Variants in FHIT observed in about 807,000 individuals in gnomAD.
FHIT encodes fragile histidine triad diadenosine triphosphatase.
FHIT carries 19 observed loss-of-function variants against 17.9 expected under a neutral mutation model. The observed-to-expected ratio is 1.06, with a 90% CI of 0.74 to 1.56. The LOEUF is 1.56. Among genes scored for constraint, FHIT ranks in the 40% most tolerant of loss-of-function variants. The pLI is 0.00. For synonymous variants in FHIT, 81 were observed against 69.7 expected, an observed-to-expected ratio of 1.16 and a Z score of -0.81; for missense variants, 248 against 189.2, an observed-to-expected ratio of 1.31 and a Z score of -1.82.
intron 7 of FHIT, among the ~76,000 whole-genome samples, chr3:59,941,971 T>A (rs913400726): frequency 3.9e-5 from 6 of 152,292 alleles, no homozygotes; most frequent in Non-Finnish European, 7.4e-5. Context: ...TGAACTAGAC[T>A]TTTCCCTCAA....
chr3:61,042,645 C>T (rs2033575111), intron 2 of FHIT, among the ~76,000 whole-genome samples: 2 of 151,996 alleles, frequency 1.3e-5, no homozygotes, highest in Non-Finnish European at 1.5e-5. Flanking sequence ...TCGAGACCAG[C>T]CTGGCCAACA....
chr3:61,163,583 A>G (rs753258595), intron 2 of FHIT, among the ~76,000 whole-genome samples: 4 of 152,202 alleles, frequency 2.6e-5, no homozygotes, highest in Non-Finnish European at 5.9e-5. Flanking sequence ...CTTCCTCTAA[A>G]GTGGGTCATA....
At chr3:60,716,025 C>T (rs918350709) in intron 4 of FHIT, among the ~76,000 whole-genome samples, 3 of 151,844 alleles carry the variant, frequency 2.0e-5, no homozygotes, top group East Asian at 1.9e-4. Flanking sequence ...CCAAGGCAGG[C>T]GGATCACCTG....
intron 3 of FHIT, among the ~76,000 whole-genome samples, chr3:60,842,361 TCA>T (rs1702749961): frequency 1.3e-5 from 2 of 151,426 alleles, no homozygotes; most frequent in African/African-American, 4.9e-5. Flanking sequence ...AAAAAAGAAC[TCA>T]GAGTGTGACT....
intron 4 of FHIT, among the ~76,000 whole-genome samples, chr3:60,770,887 C>T (rs1553722896): frequency 6.6e-6 from 1 of 152,210 alleles, no homozygotes; most frequent in African/African-American, 2.4e-5. Context: ...AATTAGAGCC[C>T]ATTCTATTGT....
intron 3 of FHIT, among the ~76,000 whole-genome samples, chr3:60,839,037 G>T (rs1553744379): frequency 6.6e-6 from 1 of 152,062 alleles, no homozygotes; most frequent in Non-Finnish European, 1.5e-5. Flanking sequence ...CTGAGGTATA[G>T]AACACCCATT....
chr3:61,171,025 T>C (rs1001110660), intron 2 of FHIT, among the ~76,000 whole-genome samples: 5 of 152,172 alleles, frequency 3.3e-5, no homozygotes, highest in Non-Finnish European at 7.4e-5. Context: ...GAGGAATCAC[T>C]ACACTATCTT....
chr3:60,437,519 G>A lies in FHIT; in HGVS notation c.103+99341C>T, dbSNP rs948144269. Among the ~76,000 whole-genome samples, 4 of 152,132 alleles carry A rather than the reference G, an allele frequency of 2.6e-5. 1 individual carries two copies. Among genetic ancestry groups the A allele is most frequent in the Admixed American group, 6.6e-5 (1 of 15,266 alleles). On this transcript the variant is annotated intron_variant, in intron 5 of 9. Transcript: ENST00000492590. ...CATCATCATCACTACTGTGTATTAA[G>A]AGTTTACTACATCCTATGCACTGTG...
intron 2 of FHIT, among the ~76,000 whole-genome samples, chr3:61,102,891 GTGGTGATATCCCC>G (rs2035877341): frequency 6.6e-6 from 1 of 152,182 alleles, no homozygotes; most frequent in Non-Finnish European, 1.5e-5. Flanking sequence ...TGTGGGATCA[GTGGTGATATCCCC>G]TTTATCATTT....
chr3:60,856,671 C>T (rs1213886979), intron 3 of FHIT: 6 of 152,114 alleles, frequency 3.9e-5, no homozygotes, highest in African/African-American at 1.4e-4. Context: ...TTCAGTGGCT[C>T]ACTACTGCTT....
At chr3:60,805,317 T>C (rs997154140) in intron 4 of FHIT, among the ~76,000 whole-genome samples, 2 of 152,144 alleles carry the variant, frequency 1.3e-5, no homozygotes, top group African/African-American at 2.4e-5. Context: ...TTTCTCACAG[T>C]TCTAGAGGCT....
At chr3:60,235,126 C>A (rs891391084) in intron 5 of FHIT, among the ~76,000 whole-genome samples, 1 of 152,100 alleles carries the variant, frequency 6.6e-6, no homozygotes, top group Non-Finnish European at 1.5e-5. Flanking sequence ...ATCTTCCTCT[C>A]CCCAAAAACA....
In FHIT at chr3:60,227,263, T is replaced by C. The variant is rs9809756; in HGVS notation, c.104-213111A>G. On this transcript the variant is annotated intron_variant, in intron 5 of 9. Coordinates refer to ENST00000492590, the MANE Select transcript of FHIT (RefSeq NM_002012.4). ...ACCAAGATTCTTAATAAAATCAACA[T>C]CTTTGCCTGTTTCATACATTATTAG... 5.2e-3 allele frequency among the ~76,000 whole-genome samples: 798 copies of C among 152,266 alleles called. 9 individuals carry two copies. Among genetic ancestry groups the C allele is most frequent in the Middle Eastern group, 0.031 (9 of 292 alleles).
chr3:60,682,133 T>A (rs535579135), intron 4 of FHIT, among the ~76,000 whole-genome samples: 1 of 152,088 alleles, frequency 6.6e-6, no homozygotes, highest in East Asian at 1.9e-4. Flanking sequence ...CACTACGCCC[T>A]GCTAATTTTT....
At chr3:60,255,506 G>A (rs985660133) in intron 5 of FHIT, among the ~76,000 whole-genome samples, 1 of 152,094 alleles carries the variant, frequency 6.6e-6, no homozygotes, top group African/African-American at 2.4e-5. Flanking sequence ...ACCACCCGGG[G>A]CGACAAACCC....
chr3:60,491,269 G>T (rs886721030), intron 5 of FHIT, among the ~76,000 whole-genome samples: 1 of 152,004 alleles, frequency 6.6e-6, no homozygotes, highest in Non-Finnish European at 1.5e-5. Context: ...CAACCAAACC[G>T]ATGTAGTTTC....
intron 5 of FHIT, among the ~76,000 whole-genome samples, chr3:60,460,255 A>G (rs933735144): frequency 2.6e-5 from 4 of 152,186 alleles, no homozygotes; most frequent in African/African-American, 9.6e-5. Flanking sequence ...TTTTGGTTAT[A>G]CTTATTAGGA....
At chr3:60,375,697 G>T (rs1004858741) in intron 5 of FHIT, among the ~76,000 whole-genome samples, 1 of 152,056 alleles carries the variant, frequency 6.6e-6, no homozygotes, top group African/African-American at 2.4e-5. Context: ...TTCATATTCT[G>T]GAGCTGTCTT....
At position 59,748,469 on chromosome 3, in the gene FHIT, T is replaced by C. The variant is rs1012397123; in HGVS notation, c.*1116A>G. Among the ~76,000 whole-genome samples, 9 of 152,010 alleles carry C rather than the reference T, an allele frequency of 5.9e-5. No individual in the cohort carries two copies. Among genetic ancestry groups the C allele is most frequent in the Non-Finnish European group, 1.2e-4 (8 of 67,984 alleles). On this transcript the variant is annotated 3_prime_UTR_variant, in exon 10 of 10. Transcript: ENST00000492590. ...AGTTGGTTGGGGAAATCCAGGCCCA[T>C]TTTGGTTTCTGCTACCTGGCTGTAG...
Sources: gnomAD v4.1 joint callset for allele counts (sites outside exome capture counted in the v4.1 genomes callset) on GRCh38, gnomAD v4.1.1 for gene constraint, MANE v1.5 for transcripts, NCBI Gene and HGNC (gene_info 2026-07-23, HGNC 2026-07-21) for gene names.